Variants in WDR20 observed in about 807,000 individuals in gnomAD.
WDR20 encodes WD repeat domain 20, also known as WD repeat-containing protein 20.
A neutral mutation model predicts 38.7 loss-of-function variants in WDR20; 3 were observed. The observed-to-expected ratio is 0.08, with a 90% CI of 0.04 to 0.20. The LOEUF is 0.20. Ranked by LOEUF, WDR20 falls within the 10% of genes least tolerant of loss-of-function variation. The probability of loss-of-function intolerance (pLI) is 1.00; values close to 1 mark genes in which losing one functional copy is unlikely to be tolerated. For missense variants in WDR20, 559 were observed against 727.7 expected, an observed-to-expected ratio of 0.77 and a Z score of 2.67; for synonymous variants, 298 against 285.6, an observed-to-expected ratio of 1.04 and a Z score of -0.44.
At chr14:102,171,124 G>A (rs900402079) in intron 1 of WDR20, among the ~76,000 whole-genome samples, 2 of 151,622 alleles carry the variant, frequency 1.3e-5, no homozygotes, top group Non-Finnish European at 2.9e-5. Context: ...GCTAATTTTT[G>A]TATTTTTAGT....
At chr14:102,176,892 C>A (rs1370835562) in intron 1 of WDR20, among the ~76,000 whole-genome samples, 2 of 152,104 alleles carry the variant, frequency 1.3e-5, no homozygotes, top group Non-Finnish European at 2.9e-5. Context: ...TCACGCCCGG[C>A]TAATTATTTG....
At chr14:102,175,893 A>G (rs868858226) in intron 1 of WDR20, among the ~76,000 whole-genome samples, 1 of 152,198 alleles carries the variant, frequency 6.6e-6, no homozygotes. Flanking sequence ...ACTTGTGTAC[A>G]TTGATTTTGT....
chr14:102,176,881 A>G (rs2062239124), intron 1 of WDR20, among the ~76,000 whole-genome samples: 1 of 152,076 alleles, frequency 6.6e-6, no homozygotes, highest in South Asian at 2.1e-4. Flanking sequence ...GGCGCCTGCC[A>G]TCACGCCCGG....
chr14:102,165,921 T>G (rs992927126), intron 1 of WDR20, among the ~76,000 whole-genome samples: 1 of 152,164 alleles, frequency 6.6e-6, no homozygotes, highest in African/African-American at 2.4e-5. Context: ...ATTACCGGCA[T>G]GAGCCACTGG....
intron 2 of WDR20, among the ~76,000 whole-genome samples, chr14:102,203,423 C>G (rs538396050): frequency 2.0e-5 from 3 of 152,138 alleles, no homozygotes; most frequent in Non-Finnish European, 2.9e-5. Flanking sequence ...ACACTGACAG[C>G]ACATTCCACT....
At chr14:102,211,859 G>A (rs1460603710), downstream of WDR20, among the ~76,000 whole-genome samples, 5 of 152,186 alleles carry the variant, frequency 3.3e-5, no homozygotes, top group Admixed American at 6.5e-5. This position sits in a 1 kb window ranked among gnomAD's most constrained non-coding sequence, Gnocchi z 4.2. Flanking sequence ...GAGAGTGGCC[G>A]ATCCCAAGTA....
Position 102,210,049 on chromosome 14 carries a change from A to T in WDR20, c.*169A>T. 7.1e-7 allele frequency: 1 copy of T among 1,403,240 alleles called. No individual in the cohort carries two copies. Among genetic ancestry groups the T allele is most frequent in the South Asian group, 1.7e-5 (1 of 58,178 alleles). 86.9% of individuals were successfully genotyped at this position (1,403,240 alleles called of 1,614,324 possible). ...GCCATGTAATTCTGAATCATTTGAT[A>T]ATTTACCTTAGAGCATTTAAAAAAA... On this transcript the variant is annotated 3_prime_UTR_variant, in exon 3 of 3. Coordinates refer to ENST00000342702, the MANE Select transcript of WDR20 (RefSeq NM_144574.4).
At chr14:102,171,141 G>A (rs1210138540) in intron 1 of WDR20, among the ~76,000 whole-genome samples, 4 of 151,356 alleles carry the variant, frequency 2.6e-5, no homozygotes, top group East Asian at 1.9e-4. Context: ...TAGTAGTGAC[G>A]GTGTTTCACC....
intron 2 of WDR20, among the ~76,000 whole-genome samples, chr14:102,205,965 C>T (rs946333129): frequency 1.3e-5 from 2 of 152,142 alleles, no homozygotes; most frequent in East Asian, 1.9e-4. Flanking sequence ...TTAGGGTCGT[C>T]TCAGTGCACT....
rs370645511 is a variant in WDR20, at chr14:102,209,663, T to C, written c.1493T>C (p.Val498Ala). 2.0e-5 allele frequency: 33 copies of C among 1,614,014 alleles called. No homozygotes were observed. The highest frequency in any genetic ancestry group is 2.7e-5 in the Non-Finnish European group (32 of 1,180,030). The change falls in exon 3 of 3, where the codon GTT (valine) becomes GCT (alanine). Residue 498 changes from valine to alanine, a missense_variant. Transcript: ENST00000342702. The surrounding 1 kb of genome is among the most constrained non-coding windows in gnomAD (Gnocchi z 6.0). ...SSKSSDKLNL[V>A]TKTKTDPAKT... ...AAGAGCAGTGACAAACTGAATCTAG[T>C]TACCAAAACCAAAACGGACCCTGCT...
rs1034106267 is a variant in WDR20, at chr14:102,207,553, A to G, written c.433-1050A>G. ...TTACCTGGGGCTGCTGGGCTCCTAA[A>G]GGGACACTGTTACTGGGGCGATGGT... On this transcript the variant is annotated intron_variant, in intron 2 of 2. Transcript: ENST00000342702. The surrounding 1 kb of genome is among the most constrained non-coding windows in gnomAD (Gnocchi z 5.0). Among the ~76,000 whole-genome samples, 5 of 152,184 alleles carry G rather than the reference A, an allele frequency of 3.3e-5. No homozygotes were observed. The highest frequency in any genetic ancestry group is 6.5e-5 in the Admixed American group (1 of 15,280).
rs189674047 is a variant in WDR20, at chr14:102,151,291, C to T, written c.249+11119C>T. Among the ~76,000 whole-genome samples, 792 of 151,206 alleles carry T rather than the reference C, an allele frequency of 5.2e-3. 5 individuals carry two copies. Among genetic ancestry groups the T allele is most frequent in the African/African-American group, 0.018 (739 of 41,056 alleles). ...AAGGCCTGTGCCTAGGCCTCTTACA[C>T]GAGCTTTTCTGTCAAAAAACGAACT... is the stretch of plus-strand genomic sequence containing the variant. On this transcript the variant is annotated intron_variant, in intron 1 of 2. Coordinates refer to ENST00000342702, the MANE Select transcript of WDR20 (RefSeq NM_144574.4).
chr14:102,222,911 C>A lies in WDR20; in HGVS notation c.*28C>A. The A allele has an allele frequency of 6.2e-7, 1 of 1,613,636 alleles. No individual in the cohort carries two copies. Among genetic ancestry groups the A allele is most frequent in the Non-Finnish European group, 8.5e-7 (1 of 1,179,676 alleles). On this transcript the variant is annotated 3_prime_UTR_variant, in exon 4 of 4. Transcript: ENST00000335263. This position sits in a 1 kb window ranked among gnomAD's most constrained non-coding sequence, Gnocchi z 4.4. Reference sequence around the variant, plus strand: ...ACCTCACTGCTGCGCGCACAGTCTCCCGGGACTTGGACTCGAGGGAGTGAC... The same window carrying A: ...ACCTCACTGCTGCGCGCACAGTCTCACGGGACTTGGACTCGAGGGAGTGAC...
At chr14:102,216,668 G>A (rs914608625), downstream of WDR20, among the ~76,000 whole-genome samples, 1 of 152,220 alleles carries the variant, frequency 6.6e-6, no homozygotes, top group African/African-American at 2.4e-5. Context: ...GGTGGCTCAT[G>A]CCTGTAATCC....
intron 1 of WDR20, among the ~76,000 whole-genome samples, chr14:102,187,412 G>C (rs907011660): frequency 1.3e-5 from 2 of 152,064 alleles, no homozygotes; most frequent in African/African-American, 4.8e-5. Context: ...CATAGGCTGG[G>C]GGGGGGCTCA....
downstream of WDR20, chr14:102,224,756 A>ACTC (rs1567116337): frequency 4.4e-5 from 20 of 455,892 alleles, no homozygotes; most frequent in South Asian, 3.1e-4. Flanking sequence ...GCCAGCAGGG[A>ACTC]CTCTGGATCA....
chr14:102,214,705 T>G (rs1435099732), downstream of WDR20: 1 of 981,760 alleles, frequency 1.0e-6, no homozygotes. Flanking sequence ...ATGTATTTCC[T>G]TTTTTATATT....
chr14:102,203,686 C>T (rs1330419851), intron 2 of WDR20, among the ~76,000 whole-genome samples: 1 of 152,182 alleles, frequency 6.6e-6, no homozygotes, highest in East Asian at 1.9e-4. Flanking sequence ...CCTCCCTGCC[C>T]ACCCCCGAAA....
At chr14:102,158,070 G>T (rs61992514) in intron 1 of WDR20, among the ~76,000 whole-genome samples, 2 of 151,886 alleles carry the variant, frequency 1.3e-5, no homozygotes, top group Admixed American at 6.6e-5. Flanking sequence ...CATTACCCCT[G>T]TTCCAGTGCA....
Sources: allele counts gnomAD v4.1 joint callset (sites outside exome capture counted in the v4.1 genomes callset), GRCh38; gene constraint gnomAD v4.1.1; non-coding constraint Gnocchi (gnomAD v3.1); transcripts MANE v1.5; gene names NCBI Gene and HGNC (gene_info 2026-07-23, HGNC 2026-07-21).